The following LRRC37A variants were observed in gnomAD, a reference collection of about 807,000 sequenced individuals.
LRRC37A encodes leucine-rich repeat-containing protein 37A.
LRRC37A carries 3 observed loss-of-function variants against 35.4 expected under a neutral mutation model. The ratio of observed to expected loss-of-function variants is 0.08; its 90% CI spans 0.04 to 0.22. The LOEUF (loss-of-function observed/expected upper bound fraction) is 0.22, where lower values mean the gene tolerates loss of function less well. LRRC37A is among the 10% of genes least tolerant of loss of function. The probability of loss-of-function intolerance (pLI) is 1.00; values close to 1 mark genes in which losing one functional copy is unlikely to be tolerated. For synonymous variants in LRRC37A, 23 were observed against 215.0 expected, an observed-to-expected ratio of 0.11 and a Z score of 7.81; for missense variants, 67 against 565.3, an observed-to-expected ratio of 0.12 and a Z score of 8.94.
chr17:46,286,919 A>T, the LRRC37A span, among the ~76,000 whole-genome samples: 1 of 152,226 alleles, frequency 6.6e-6, no homozygotes, highest in African/African-American at 2.4e-5. Flanking sequence ...ATGCCAACAC[A>T]TTCTCCATAA....
At chr17:46,277,653 C>CTTTCTTTCTTTT in the LRRC37A span, among the ~76,000 whole-genome samples, 943 of 136,198 alleles carry the variant, frequency 6.9e-3, no homozygotes, top group Non-Finnish European at 0.011. Flanking sequence ...TTCTTTCTTT[C>CTTTCTTTCTTTT]TTTTTTTTTT....
chr17:46,269,529 A>G, the LRRC37A span, among the ~76,000 whole-genome samples: 1 of 152,360 alleles, frequency 6.6e-6, no homozygotes, highest in Middle Eastern at 3.4e-3. Context: ...TCTCAAAAAC[A>G]AACAAAGTGT....
the LRRC37A span, among the ~76,000 whole-genome samples, chr17:46,250,800 A>G: frequency 6.6e-6 from 1 of 152,246 alleles, no homozygotes; most frequent in Non-Finnish European, 1.5e-5. Flanking sequence ...AGGCTCAGGC[A>G]GGAGGATGGC....
chr17:46,265,440 TCTCCTCCTCCTCTTCCTC>T, the LRRC37A span, among the ~76,000 whole-genome samples: 1 of 150,306 alleles, frequency 6.7e-6, no homozygotes, highest in Non-Finnish European at 1.5e-5. Context: ...TTCCTCTTCC[TCTCCTCCTCCTCTTCCTC>T]CTCCTCTTCC....
At chr17:46,272,985 A>G in the LRRC37A span, among the ~76,000 whole-genome samples, 2 of 152,238 alleles carry the variant, frequency 1.3e-5, no homozygotes, top group Admixed American at 6.5e-5. Context: ...TGTCAAAAAC[A>G]TTACTTTATT....
chr17:46,283,612 G>A, the LRRC37A span, among the ~76,000 whole-genome samples: 1 of 152,204 alleles, frequency 6.6e-6, no homozygotes, highest in Non-Finnish European at 1.5e-5. Flanking sequence ...ACCTTGGTGT[G>A]GTGAAGGGGT....
upstream of LRRC37A, among the ~76,000 whole-genome samples, chr17:46,291,985 A>AAAAAAAAAAAAC (rs1360524355): frequency 7.4e-4 from 57 of 76,638 alleles, 4 homozygotes; most frequent in Middle Eastern, 0.01. Flanking sequence ...AAAAAAAAAA[A>AAAAAAAAAAAAC]AAGCCAATAA....
At chr17:46,275,878 C>T in the LRRC37A span, among the ~76,000 whole-genome samples, 1 of 151,814 alleles carries the variant, frequency 6.6e-6, no homozygotes, top group Admixed American at 6.6e-5. Context: ...CCCAGTTTCA[C>T]ACAGTTTTAT....
the LRRC37A span, among the ~76,000 whole-genome samples, chr17:46,252,680 A>C: frequency 2.6e-4 from 40 of 151,138 alleles, no homozygotes; most frequent in African/African-American, 1.7e-4. Context: ...CAGAGAGCAC[A>C]GGGTTGGGGG....
chr17:46,327,392 C>A, intron 7 of LRRC37A, among the ~76,000 whole-genome samples: 1 of 35,034 alleles, frequency 2.9e-5, no homozygotes, highest in African/African-American at 6.8e-5. Context: ...GCCTGAGCAA[C>A]ATGGGGAAAC....
the LRRC37A span, among the ~76,000 whole-genome samples, chr17:46,254,206 G>A: frequency 6.6e-6 from 1 of 151,858 alleles, no homozygotes; most frequent in Non-Finnish European, 1.5e-5. Flanking sequence ...TCCAGGAACC[G>A]AGGAGAGGAG....
At chr17:46,253,083 C>T in the LRRC37A span, among the ~76,000 whole-genome samples, 1 of 144,568 alleles carries the variant, frequency 6.9e-6, no homozygotes, top group East Asian at 2.0e-4. Flanking sequence ...GGGCGGTTGC[C>T]GGGCGGAGGG....
At chr17:46,249,637 A>G in the LRRC37A span, among the ~76,000 whole-genome samples, 1 of 152,180 alleles carries the variant, frequency 6.6e-6, no homozygotes, top group African/African-American at 2.4e-5. Flanking sequence ...ACTCACTAGA[A>G]AGATACAGGG....
At chr17:46,258,291 A>G in the LRRC37A span, among the ~76,000 whole-genome samples, 1 of 152,010 alleles carries the variant, frequency 6.6e-6, no homozygotes, top group Non-Finnish European at 1.5e-5. Context: ...GCTCACTGCA[A>G]CCTCTGCCTC....
At chr17:46,253,336 C>A in the LRRC37A span, among the ~76,000 whole-genome samples, 1 of 152,162 alleles carries the variant, frequency 6.6e-6, no homozygotes, top group East Asian at 1.9e-4. Flanking sequence ...TCCTCACTTC[C>A]CAGACGGGGT....
chr17:46,265,245 CT>C, the LRRC37A span, among the ~76,000 whole-genome samples: 3 of 148,564 alleles, frequency 2.0e-5, no homozygotes, highest in African/African-American at 5.0e-5. Flanking sequence ...GACAAATTTC[CT>C]TTCTTCTTCT....
chr17:46,271,332 A>ATTTTTTTTTTTTTTTTT, the LRRC37A span, among the ~76,000 whole-genome samples: 2 of 125,664 alleles, frequency 1.6e-5, no homozygotes, highest in Non-Finnish European at 3.2e-5. Flanking sequence ...TACCTAGCTA[A>ATTTTTTTTTTTTTTTTT]TTTTTTTTTT....
the LRRC37A span, among the ~76,000 whole-genome samples, chr17:46,265,262 T>C: frequency 1.4e-4 from 3 of 20,786 alleles, no homozygotes; most frequent in African/African-American, 2.5e-4. Context: ...CTTCTTCTTC[T>C]TCTTCTTCTT....
At chr17:46,265,068 C>T in the LRRC37A span, among the ~76,000 whole-genome samples, 4 of 152,234 alleles carry the variant, frequency 2.6e-5, no homozygotes, top group African/African-American at 9.7e-5. Flanking sequence ...CCTGTCTAGT[C>T]TGGAGAACCT....
Sources: gnomAD v4.1 joint callset for allele counts (sites outside exome capture counted in the v4.1 genomes callset) on GRCh38, gnomAD v4.1.1 for gene constraint, MANE v1.5 for transcripts, NCBI Gene and HGNC (gene_info 2026-07-23, HGNC 2026-07-21) for gene names.